FARS2: variants seen among roughly 807,000 people sequenced by gnomAD.
FARS2 encodes the protein phenylalanine--tRNA ligase, mitochondrial.
A neutral mutation model predicts 46.4 loss-of-function variants in FARS2; 40 were observed. The observed-to-expected ratio is 0.86, with a 90% CI of 0.67 to 1.12. FARS2 has a LOEUF of 1.12. Ranked by LOEUF, FARS2 falls within the 50% of genes most tolerant of loss-of-function variation. FARS2 has a pLI of 0.00. For missense variants in FARS2, 513 were observed against 567.9 expected (o/e 0.90, Z 0.98); for synonymous variants, 234 against 214.9 (o/e 1.09, Z -0.78).
At chr6:5,451,032 G>A (rs1201537003) in intron 4 of FARS2, among the ~76,000 whole-genome samples, 1 of 152,098 alleles carries the variant, frequency 6.6e-6, no homozygotes, top group East Asian at 1.9e-4. Context: ...ACGATTGGAG[G>A]TGCTGTAAAC....
chr6:5,308,443 G>A (rs879876398), intron 1 of FARS2, among the ~76,000 whole-genome samples: 8 of 152,194 alleles, frequency 5.3e-5, no homozygotes, highest in Non-Finnish European at 1.0e-4. Context: ...TACCCTGCAT[G>A]CTTGTGCTTC....
intron 1 of FARS2, among the ~76,000 whole-genome samples, chr6:5,293,835 A>G (rs1410351525): frequency 1.3e-5 from 2 of 152,240 alleles, no homozygotes; most frequent in Non-Finnish European, 2.9e-5. Flanking sequence ...GCTGAAGGCC[A>G]AGAGCATGAT....
chr6:5,702,272 C>G (rs377192447), intron 6 of FARS2, among the ~76,000 whole-genome samples: 1 of 152,154 alleles, frequency 6.6e-6, no homozygotes, highest in East Asian at 1.9e-4. Flanking sequence ...TTGCTTGGTG[C>G]TTTTTAACTA....
chr6:5,349,976 G>A (rs925108736), intron 1 of FARS2, among the ~76,000 whole-genome samples: 2 of 150,714 alleles, frequency 1.3e-5, no homozygotes, highest in Non-Finnish European at 2.9e-5. Flanking sequence ...ACTTATTACT[G>A]TAGATGTTGA....
chr6:5,725,906 G>T (rs985172151), intron 6 of FARS2, among the ~76,000 whole-genome samples: 4 of 152,196 alleles, frequency 2.6e-5, no homozygotes, highest in Admixed American at 6.5e-5. Context: ...CTGCACTCCA[G>T]CCTGGGCAAC....
At chr6:5,557,256 A>T (rs996045687) in intron 5 of FARS2, among the ~76,000 whole-genome samples, 3 of 152,262 alleles carry the variant, frequency 2.0e-5, no homozygotes, top group South Asian at 2.1e-4. Flanking sequence ...GGCTTAAATA[A>T]CAACAACAGC....
chr6:5,738,173 A>G (rs184026252), intron 6 of FARS2, among the ~76,000 whole-genome samples: 37 of 152,300 alleles, frequency 2.4e-4, no homozygotes, highest in Non-Finnish European at 4.0e-4. Context: ...GCTGGTCTCA[A>G]ACTCCAGGCT....
intron 4 of FARS2, chr6:5,467,130 G>C: frequency 1.0e-6 from 1 of 971,526 alleles, no homozygotes. Context: ...TTAAGAATTA[G>C]TTTGTTTAAA....
chr6:5,269,897 G>A (rs765409924), intron 1 of FARS2, among the ~76,000 whole-genome samples: 6 of 152,144 alleles, frequency 3.9e-5, no homozygotes, highest in Non-Finnish European at 5.9e-5. Context: ...ATTTTATAAC[G>A]TTTTAATGTA....
chr6:5,692,064 C>T (rs530891578), intron 6 of FARS2, among the ~76,000 whole-genome samples: 60 of 152,316 alleles, frequency 3.9e-4, no homozygotes, highest in Non-Finnish European at 8.1e-4. Context: ...GGGAGTGACC[C>T]GATTTTCCAG....
At chr6:5,283,385 A>C (rs975676006) in intron 1 of FARS2, among the ~76,000 whole-genome samples, 2 of 150,864 alleles carry the variant, frequency 1.3e-5, no homozygotes, top group African/African-American at 4.9e-5. Flanking sequence ...AAAAAAAAAA[A>C]AAAAAAAAAA....
intron 6 of FARS2, chr6:5,665,508 T>C (rs1418743760): frequency 1.3e-5 from 2 of 152,176 alleles, no homozygotes; most frequent in African/African-American, 2.4e-5. Context: ...GGCCTGGGTG[T>C]GTGTGGATGA....
rs188380810 is a variant in FARS2 at position 5,560,452 on chromosome 6, G to A, written c.1065+15112G>A. On this transcript the variant is annotated intron_variant, in intron 5 of 6. Transcript: ENST00000274680. ...CAAAATATTACCATTTTATATACTT[G>A]TAGATTTTGTTTGTTAATATTTCTT... Among the ~76,000 whole-genome samples the A allele has an allele frequency of 1.7e-3, 260 of 152,078 alleles. 3 individuals are homozygous for A. The highest frequency in any genetic ancestry group is 5.9e-3 in the African/African-American group (244 of 41,468).
chr6:5,633,560 G>T (rs993732628), intron 6 of FARS2, among the ~76,000 whole-genome samples: 1 of 152,022 alleles, frequency 6.6e-6, no homozygotes, highest in Non-Finnish European at 1.5e-5. Flanking sequence ...GAGCCACCAC[G>T]CCCGGCACCT....
At chr6:5,615,536 T>G (rs1775424083) in intron 6 of FARS2, among the ~76,000 whole-genome samples, 1 of 152,246 alleles carries the variant, frequency 6.6e-6, no homozygotes. Flanking sequence ...TCACTACATT[T>G]TAAAAATTGA....
intron 3 of FARS2, among the ~76,000 whole-genome samples, chr6:5,426,509 C>T (rs1173202672): frequency 6.6e-6 from 1 of 151,988 alleles, no homozygotes; most frequent in Admixed American, 6.5e-5. Context: ...ATTTTGAGAT[C>T]ATAGATTGAA....
intron 5 of FARS2, among the ~76,000 whole-genome samples, chr6:5,596,599 C>T (rs1226157280): frequency 1.3e-5 from 2 of 152,194 alleles, no homozygotes; most frequent in Non-Finnish European, 2.9e-5. Flanking sequence ...GCCTCAGCGA[C>T]ATTGCATAGG....
intron 1 of FARS2, among the ~76,000 whole-genome samples, chr6:5,303,082 A>C (rs1312300851): frequency 6.6e-6 from 1 of 152,212 alleles, no homozygotes; most frequent in East Asian, 1.9e-4. Flanking sequence ...ACCGAAGTTC[A>C]AGAGAGTAAT....
At chr6:5,654,127 T>C (rs1777498624) in intron 6 of FARS2, among the ~76,000 whole-genome samples, 1 of 152,164 alleles carries the variant, frequency 6.6e-6, no homozygotes, top group South Asian at 2.1e-4. Context: ...CCCAGTCACA[T>C]TAGGGCCCTA....
Sources: gnomAD v4.1 joint callset for allele counts (sites outside exome capture counted in the v4.1 genomes callset) on GRCh38, gnomAD v4.1.1 for gene constraint, MANE v1.5 for transcripts, NCBI Gene and HGNC (gene_info 2026-07-23, HGNC 2026-07-21) for gene names.